Variants in SPTBN1 observed in about 807,000 individuals in gnomAD.
SPTBN1 encodes spectrin beta chain, non-erythrocytic 1.
A neutral mutation model predicts 266.4 loss-of-function variants in SPTBN1; 32 were observed. The observed-to-expected ratio is 0.12, with a 90% CI of 0.09 to 0.16. The LOEUF is 0.16. SPTBN1 is among the 10% of genes least tolerant of loss of function. SPTBN1 has a pLI of 1.00. For missense variants in SPTBN1, 2,296 were observed against 3,067.1 expected (o/e 0.75, Z 5.94); for synonymous variants, 1,336 against 1,162.2 (o/e 1.15, Z -3.04).
At chr2:54,590,005 T>G (rs1675561577) in intron 2 of SPTBN1, among the ~76,000 whole-genome samples, 1 of 152,252 alleles carries the variant, frequency 6.6e-6, no homozygotes, top group Non-Finnish European at 1.5e-5. Context: ...CCTGATTGGG[T>G]CATGTTTAAA....
chr2:54,647,325 A>G (rs1679989371), intron 24 of SPTBN1, 64 bp downstream of exon 24: 6 of 1,570,406 alleles, frequency 3.8e-6, no homozygotes, highest in Non-Finnish European at 4.3e-6. Flanking sequence ...GTCTCTTGCT[A>G]ACCCCCACCA....
chr2:54,513,324 G>C (rs545664849), intron 1 of SPTBN1, among the ~76,000 whole-genome samples: 1 of 152,218 alleles, frequency 6.6e-6, no homozygotes, highest in East Asian at 1.9e-4. Context: ...TTACATATTT[G>C]TTTCATTTCA....
At chr2:54,553,485 A>G (rs1672695891) in intron 2 of SPTBN1, among the ~76,000 whole-genome samples, 1 of 152,180 alleles carries the variant, frequency 6.6e-6, no homozygotes, top group Non-Finnish European at 1.5e-5. Context: ...ATGGAAGAGG[A>G]TTATTTTAGC....
intron 2 of SPTBN1, among the ~76,000 whole-genome samples, chr2:54,568,805 A>T (rs1459585656): frequency 6.6e-6 from 1 of 152,216 alleles, no homozygotes; most frequent in Non-Finnish European, 1.5e-5. Context: ...TTATGAGTCC[A>T]TACCTGTTTT....
At chr2:54,511,992 C>G (rs189350046) in intron 1 of SPTBN1, among the ~76,000 whole-genome samples, 1 of 152,240 alleles carries the variant, frequency 6.6e-6, no homozygotes, top group African/African-American at 2.4e-5. Flanking sequence ...AGTGACAGAT[C>G]GTCTGGCGTT....
Position 54,626,514 on chromosome 2 carries a change from CTTTATT to C in SPTBN1, c.1644+285_1644+290del, listed in dbSNP as rs1435696771. Among the ~76,000 whole-genome samples, 1 of 151,616 alleles carries C rather than the reference CTTTATT, an allele frequency of 6.6e-6. No individual in the cohort carries two copies. The highest frequency in any genetic ancestry group is 1.5e-5 in the Non-Finnish European group (1 of 67,884). On this transcript the variant is annotated intron_variant, in intron 12 of 35. Coordinates refer to ENST00000356805, the MANE Select transcript of SPTBN1 (RefSeq NM_003128.3). This position sits in a 1 kb window ranked among gnomAD's most constrained non-coding sequence, Gnocchi z 4.7. ...AGGGAATCAATCACATTGTGGTTTT[CTTTATT>C]TTTAAGTTTTCAGGGTTAAACTAAC...
At chr2:54,556,411 T>C (rs1672879105) in intron 2 of SPTBN1, among the ~76,000 whole-genome samples, 1 of 152,194 alleles carries the variant, frequency 6.6e-6, no homozygotes, top group African/African-American at 2.4e-5. Flanking sequence ...ACCTGGTTAA[T>C]TAAAAATTAT....
chr2:54,648,325 G>A (rs1680049854), intron 24 of SPTBN1, among the ~76,000 whole-genome samples: 1 of 152,150 alleles, frequency 6.6e-6, no homozygotes, highest in Non-Finnish European at 1.5e-5. Flanking sequence ...CATGTCCTTT[G>A]TCTCTGATAT....
chr2:54,633,961 G>A (rs1218247901), intron 17 of SPTBN1, among the ~76,000 whole-genome samples: 1 of 152,068 alleles, frequency 6.6e-6, no homozygotes, highest in African/African-American at 2.4e-5. Context: ...TTTTGTATCT[G>A]TTGCTTTTAA....
Position 54,649,877 on chromosome 2 carries a change from A to G in SPTBN1, c.5465A>G (p.Gln1822Arg), listed in dbSNP as rs146380966. The change falls in exon 26 of 36, where the codon CAG (glutamine) becomes CGG (arginine). Residue 1822 changes from glutamine to arginine, a missense_variant. Physicochemically the swap from Gln to Arg is conservative, Grantham distance 43. Transcript: ENST00000356805. The surrounding 1 kb of genome is among the most constrained non-coding windows in gnomAD (Gnocchi z 6.7). Reference sequence around the variant, plus strand: ...GCCAAGGAGATCTTTGGGCGTATACAGGACAAACACAAGAAACTCCCTGAG... The same window carrying G: ...GCCAAGGAGATCTTTGGGCGTATACGGGACAAACACAAGAAACTCCCTGAG... ...HDAKEIFGRI[Q>R]DKHKKLPEEL... 728 of 1,614,234 alleles carry G rather than the reference A, an allele frequency of 4.5e-4. 3 individuals are homozygous for G. Among genetic ancestry groups the G allele is most frequent in the Non-Finnish European group, 5.2e-4 (612 of 1,180,036 alleles).
chr2:54,576,242 C>A (rs981797199), intron 2 of SPTBN1, among the ~76,000 whole-genome samples: 2 of 151,956 alleles, frequency 1.3e-5, no homozygotes, highest in East Asian at 3.9e-4. Flanking sequence ...TTAGTAGAGA[C>A]AGGGTTTTAC....
intron 32 of SPTBN1, chr2:54,662,829 C>A (rs1408694995): frequency 6.6e-6 from 1 of 152,210 alleles, no homozygotes; most frequent in African/African-American, 2.4e-5. Context: ...CTCATAAGCA[C>A]GTGTCTGCAG....
rs1239397751 is a variant in SPTBN1 at position 54,669,317 on chromosome 2, A to G, written c.*748A>G. 1 of 152,312 alleles carries G rather than the reference A, an allele frequency of 6.6e-6. No individual in the cohort carries two copies. Among genetic ancestry groups the G allele is most frequent in the Non-Finnish European group, 1.5e-5 (1 of 68,046 alleles). The allele number at this position is 152,312 out of a possible 1,614,324, so 9.4% of individuals were successfully genotyped here. A position where few individuals can be genotyped will look rare whatever the true frequency, so the allele number is the denominator to read the frequency against. The stretch of plus-strand genomic sequence containing the variant: ...TACAAAGTATAATAAAACTAGATGT[A>G]TAATAAACCCTTTAAATCATTGGTA... On this transcript the variant is annotated 3_prime_UTR_variant, in exon 36 of 36. Transcript: ENST00000356805.
chr2:54,494,174 A>C (rs1252577789), intron 1 of SPTBN1, among the ~76,000 whole-genome samples: 1 of 152,246 alleles, frequency 6.6e-6, no homozygotes, highest in Non-Finnish European at 1.5e-5. Flanking sequence ...TGAGAAATTT[A>C]AAATGTGAAT....
chr2:54,643,640 G>A (rs1165732242), intron 19 of SPTBN1, among the ~76,000 whole-genome samples: 3 of 151,750 alleles, frequency 2.0e-5, no homozygotes, highest in Middle Eastern at 3.4e-3. Flanking sequence ...CCTTCCCCCC[G>A]ACTTCTCTCC....
intron 15 of SPTBN1, 135 bp downstream of exon 15, chr2:54,630,164 C>A: frequency 1.7e-6 from 2 of 1,182,266 alleles, no homozygotes; most frequent in Non-Finnish European, 2.3e-6. Flanking sequence ...ATGGCATTGG[C>A]ACCTGCCTTT....
chr2:54,635,335 C>T (rs1326774587), intron 17 of SPTBN1, among the ~76,000 whole-genome samples: 1 of 152,194 alleles, frequency 6.6e-6, no homozygotes, highest in Non-Finnish European at 1.5e-5. Flanking sequence ...TTCTTTTAAG[C>T]GTCTTCTGAG....
Position 54,668,445 on chromosome 2 carries a change from G to A in SPTBN1, c.6971G>A (p.Ser2324Asn). 6.2e-7 allele frequency: 1 copy of A among 1,614,210 alleles called. No homozygotes were observed. Among genetic ancestry groups the A allele is most frequent in the Non-Finnish European group, 8.5e-7 (1 of 1,180,038 alleles). ...AGCACCCAGAGCACGCCAGCATCCA[G>A]CCGCGCGCAGACCCTCCCCACCAGC... is the stretch of plus-strand genomic sequence containing the variant. ...SASTQSTPAS[S>N]RAQTLPTSVV... Residue 2324 changes from serine to asparagine, a missense_variant, in exon 36 of 36, where the codon AGC (serine) becomes AAC (asparagine). Ser to Asn is a conservative substitution (Grantham distance 46). This residue lies in a region of SPTBN1 where 347 missense variants were observed against 368.5 expected (regional missense o/e 0.94). Coordinates refer to ENST00000356805, the MANE Select transcript of SPTBN1 (RefSeq NM_003128.3).
In SPTBN1 at chr2:54,653,363, C is replaced by G. The variant is rs1680429761; in HGVS notation, c.5578-246C>G. The G allele has an allele frequency of 2.0e-6, 1 of 501,636 alleles. No individual in the cohort carries two copies. The highest frequency in any genetic ancestry group is 3.3e-5 in the South Asian group (1 of 30,110). The allele number at this position is 501,636 out of a possible 1,614,324, so 31.1% of individuals were successfully genotyped here. On this transcript the variant is annotated intron_variant, in intron 26 of 35. Transcript: ENST00000356805. This position sits in a 1 kb window ranked among gnomAD's most constrained non-coding sequence, Gnocchi z 5.1. The stretch of plus-strand genomic sequence containing the variant: ...TCCCTGACTAAACTCTCCTGCCTGT[C>G]TTCCTGTAGCATTTCATTTGTTTTA...
Sources: gnomAD v4.1 joint callset for allele counts (sites outside exome capture counted in the v4.1 genomes callset) on GRCh38, gnomAD v4.1.1 for gene constraint, gnomAD v4.1.1 regional missense constraint, Gnocchi (gnomAD v3.1) non-coding constraint, MANE v1.5 for transcripts, NCBI Gene and HGNC (gene_info 2026-07-23, HGNC 2026-07-21) for gene names.